Variants in RPH3AL observed in about 807,000 individuals in gnomAD.
RPH3AL encodes the protein rab effector Noc2.
Under a neutral mutation model 43.1 loss-of-function variants are expected in RPH3AL, and 38 were observed. That is an observed-to-expected ratio of 0.88 (90% CI 0.68 to 1.15). The LOEUF is 1.15. Ranked by LOEUF, RPH3AL falls within the 50% of genes most tolerant of loss-of-function variation. RPH3AL has a pLI of 0.00. For synonymous variants in RPH3AL, 189 were observed against 176.3 expected, an observed-to-expected ratio of 1.07 and a Z score of -0.57; for missense variants, 462 against 423.2, an observed-to-expected ratio of 1.09 and a Z score of -0.81.
chr17:293,889 C>T (rs2043106735), intron 5 of RPH3AL, among the ~76,000 whole-genome samples: 1 of 152,018 alleles, frequency 6.6e-6, no homozygotes, highest in African/African-American at 2.4e-5. Context: ...ATTAGCCGGG[C>T]GCGGTGGTAC....
At chr17:350,950 G>A (rs928092763) in intron 1 of RPH3AL, among the ~76,000 whole-genome samples, 6 of 152,154 alleles carry the variant, frequency 3.9e-5, no homozygotes, top group Non-Finnish European at 7.3e-5. Context: ...AACATTCCAT[G>A]ATAGGCCAGG....
At chr17:243,423 C>CCCTTCCTCTATTGATTA (rs1567577946) in intron 7 of RPH3AL, among the ~76,000 whole-genome samples, 6 of 109,418 alleles carry the variant, frequency 5.5e-5, no homozygotes, top group Admixed American at 9.4e-5. Context: ...CTATTGATTA[C>CCCTTCCTCTATTGATTA]CCTTCCTCTA....
intron 5 of RPH3AL, among the ~76,000 whole-genome samples, chr17:299,063 CG>C (rs2043254677): frequency 1.5e-5 from 2 of 130,418 alleles, no homozygotes; most frequent in South Asian, 2.5e-4. Context: ...CTGAAGGCTT[CG>C]GGGGGAGGGA....
intron 7 of RPH3AL, among the ~76,000 whole-genome samples, chr17:230,982 G>A (rs923119963): frequency 2.0e-4 from 31 of 152,136 alleles, no homozygotes; most frequent in African/African-American, 7.2e-4. Context: ...CATGGCACCT[G>A]GCCTCTTGCT....
chr17:283,610 C>T lies in RPH3AL; in HGVS notation c.352-1756G>A, dbSNP rs559962517. 4.6e-5 allele frequency among the ~76,000 whole-genome samples: 7 copies of T among 152,176 alleles called. No homozygotes were observed. The highest frequency in any genetic ancestry group is 8.8e-5 in the Non-Finnish European group (6 of 67,990). ...GATCTGCAGAGGGTCCCCTGAGCGC[C>T]GTCCACACTCCTCACTGCTGGCCTT... On this transcript the variant is annotated intron_variant, in intron 5 of 9. Transcript: ENST00000331302. The surrounding 1 kb of genome is among the most constrained non-coding windows in gnomAD (Gnocchi z 4.2).
In RPH3AL at chr17:290,647, G is replaced by T. The variant is rs542044313; in HGVS notation, c.352-8793C>A. Among the ~76,000 whole-genome samples, 11 of 151,964 alleles carry T rather than the reference G, an allele frequency of 7.2e-5. No homozygotes were observed. Among genetic ancestry groups the T allele is most frequent in the Non-Finnish European group, 1.5e-4 (10 of 68,038 alleles). ...GAAGGTTCTGCTGGGCCACTCCAAA[G>T]TTCAGGTACTTCATGCCCAGGCTGG... On this transcript the variant is annotated intron_variant, in intron 5 of 9. Transcript: ENST00000331302. The surrounding 1 kb of genome is among the most constrained non-coding windows in gnomAD (Gnocchi z 4.2).
rs2044533935 is a variant in RPH3AL, at chr17:323,417, T to C, written c.78-2002A>G. Among the ~76,000 whole-genome samples, 1 of 152,158 alleles carries C rather than the reference T, an allele frequency of 6.6e-6. No homozygotes were observed. Among genetic ancestry groups the C allele is most frequent in the African/African-American group, 2.4e-5 (1 of 41,432 alleles). On this transcript the variant is annotated intron_variant, in intron 3 of 9. Transcript: ENST00000331302. The surrounding 1 kb of genome is among the most constrained non-coding windows in gnomAD (Gnocchi z 4.4). ...GCCTGGACTACCTGCCTTGCTCCTA[T>C]GAACTGCACACATGCAGGGGTTCAG...
intron 9 of RPH3AL, 29 bp from the exon 10 acceptor site, chr17:213,952 G>A (rs768305915): frequency 3.2e-6 from 5 of 1,552,152 alleles, no homozygotes; most frequent in African/African-American, 2.7e-5. Context: ...GCCACCACAT[G>A]GTGAGCAGCG....
chr17:247,219 G>T lies in RPH3AL; in HGVS notation c.505C>A (p.Pro169Thr), dbSNP rs759277947. The T allele has an allele frequency of 1.9e-6, 3 of 1,613,350 alleles. No homozygotes were observed. The highest frequency in any genetic ancestry group is 1.1e-5 in the South Asian group (1 of 90,968). The part of the protein sequence containing the change: ...LPKYILPLKT[P>T]GRADDPHFRP... ...AAGTGGGGGTCATCAGCTCGGCCAGGGGTCTTCAGGGGCAAGATATACTTG... is the reference window on the plus strand; with the variant it reads ...AAGTGGGGGTCATCAGCTCGGCCAGTGGTCTTCAGGGGCAAGATATACTTG... Residue 169 changes from proline (P) to threonine (T), a missense_variant, in exon 7 of 10, where the codon CCT (proline) becomes ACT (threonine). By Grantham distance (38) the Pro-to-Thr change is conservative (BLOSUM62 -1). Coordinates refer to ENST00000331302, the MANE Select transcript of RPH3AL (RefSeq NM_006987.4).
chr17:219,796 G>C (rs2040912161), intron 7 of RPH3AL, 60 bp from the exon 8 acceptor site: 1 of 1,288,812 alleles, frequency 7.8e-7, no homozygotes, highest in Non-Finnish European at 1.1e-6. Context: ...TGCAGGCATG[G>C]ACGGAGGGAC....
At chr17:234,353 G>A (rs1197424193) in intron 7 of RPH3AL, 1 of 146,150 alleles carries the variant, frequency 6.8e-6, no homozygotes, top group African/African-American at 2.7e-5. Context: ...AGCAGGGAGC[G>A]GCTACTTACC....
chr17:285,537 C>T (rs780754474), intron 5 of RPH3AL, among the ~76,000 whole-genome samples: 1 of 152,148 alleles, frequency 6.6e-6, no homozygotes, highest in Non-Finnish European at 1.5e-5. Flanking sequence ...TAGTCCCACA[C>T]GATCTAATAC....
chr17:231,228 G>A (rs1454826987), intron 7 of RPH3AL, among the ~76,000 whole-genome samples: 1 of 152,176 alleles, frequency 6.6e-6, no homozygotes, highest in East Asian at 1.9e-4. Context: ...TGGCCTCTGG[G>A]TTTGTGCCTC....
intron 1 of RPH3AL, among the ~76,000 whole-genome samples, chr17:344,081 A>G (rs2045189855): frequency 9.7e-6 from 1 of 103,094 alleles, no homozygotes. Flanking sequence ...CGTCATCACT[A>G]TCACCATCAT....
At chr17:219,836 G>A (rs919306834) in intron 7 of RPH3AL, 100 bp from the exon 8 acceptor site, 88 of 836,036 alleles carry the variant, frequency 1.1e-4, no homozygotes, top group Middle Eastern at 4.5e-4. Context: ...TCATTACCAC[G>A]TGGCGTAGCA....
intron 5 of RPH3AL, among the ~76,000 whole-genome samples, chr17:297,809 C>T (rs1183352074): frequency 6.6e-6 from 1 of 152,190 alleles, no homozygotes; most frequent in Non-Finnish European, 1.5e-5. Flanking sequence ...GGTCACAGGT[C>T]AGGGCTGATG....
At chr17:293,593 G>A (rs1167952940) in intron 5 of RPH3AL, among the ~76,000 whole-genome samples, 2 of 152,200 alleles carry the variant, frequency 1.3e-5, no homozygotes, top group Admixed American at 6.5e-5. Flanking sequence ...GCAGGACACG[G>A]GAAACAGGAG....
chr17:314,118 G>C (rs376230637), intron 5 of RPH3AL, among the ~76,000 whole-genome samples: 86 of 152,318 alleles, frequency 5.6e-4, no homozygotes, highest in African/African-American at 2.0e-3. Flanking sequence ...GCTCCAAGGA[G>C]CACCTGTACT....
At chr17:336,999 G>A (rs973610984) in intron 1 of RPH3AL, among the ~76,000 whole-genome samples, 3 of 152,150 alleles carry the variant, frequency 2.0e-5, no homozygotes, top group African/African-American at 4.8e-5. Context: ...CCGCATCCTC[G>A]GGGGCATTTA....
Sources: allele counts gnomAD v4.1 joint callset (sites outside exome capture counted in the v4.1 genomes callset), GRCh38; gene constraint gnomAD v4.1.1; non-coding constraint Gnocchi (gnomAD v3.1); transcripts MANE v1.5; gene names NCBI Gene and HGNC (gene_info 2026-07-23, HGNC 2026-07-21).